Variants in BICC1 observed in about 807,000 individuals in gnomAD.
BICC1 encodes BicC family RNA binding protein 1.
A neutral mutation model predicts 111.0 loss-of-function variants in BICC1; 43 were observed. The ratio of observed to expected loss-of-function variants is 0.39; its 90% confidence interval spans 0.30 to 0.50. The LOEUF is 0.50. BICC1 is among the 20% of genes least tolerant of loss of function. The pLI is 0.88. For missense variants in BICC1, 1,091 were observed against 1,203.2 expected (o/e 0.91, Z 1.38); for synonymous variants, 467 against 434.4 (o/e 1.07, Z -0.93).
intron 1 of BICC1, among the ~76,000 whole-genome samples, chr10:58,567,907 A>C (rs535436314): frequency 9.9e-5 from 15 of 152,066 alleles, no homozygotes; most frequent in Non-Finnish European, 2.9e-5. Flanking sequence ...AGAGGCTTCA[A>C]TGTTGGAAAG....
At chr10:58,650,679 G>A (rs1290718962) in intron 2 of BICC1, 1 of 152,112 alleles carries the variant, frequency 6.6e-6, no homozygotes, top group Non-Finnish European at 1.5e-5. Flanking sequence ...CCTAGAGTAG[G>A]CTTTACTGAA....
At chr10:58,602,246 T>G (rs181604217) in intron 1 of BICC1, among the ~76,000 whole-genome samples, 4 of 152,282 alleles carry the variant, frequency 2.6e-5, no homozygotes, top group African/African-American at 7.2e-5. Flanking sequence ...AGAATTTGAC[T>G]CCTTAACCAA....
At chr10:58,673,445 G>A (rs1380741737) in intron 2 of BICC1, among the ~76,000 whole-genome samples, 1 of 152,108 alleles carries the variant, frequency 6.6e-6, no homozygotes, top group African/African-American at 2.4e-5. Flanking sequence ...CTTTAGCCCT[G>A]TGCCTCCCCA....
chr10:58,791,738 T>TA (rs974718987), intron 8 of BICC1, among the ~76,000 whole-genome samples: 29 of 148,996 alleles, frequency 1.9e-4, no homozygotes, highest in East Asian at 1.6e-3. Flanking sequence ...AGACTCCGTT[T>TA]AAAAAAAAAA....
At chr10:58,762,959 A>C (rs561498659) in intron 3 of BICC1, among the ~76,000 whole-genome samples, 20 of 152,256 alleles carry the variant, frequency 1.3e-4, no homozygotes, top group African/African-American at 4.1e-4. Context: ...ATGAAACAGA[A>C]AGTTTATAGG....
rs61874018 is a variant in BICC1, at chr10:58,583,752, A to G, written c.191-37103A>G. On this transcript the variant is annotated intron_variant, in intron 1 of 20. Coordinates refer to ENST00000373886, the MANE Select transcript of BICC1 (RefSeq NM_001080512.3). ...CATGTGTGTGAAAGGTCTTTTTCGT[A>G]TTATATAATGACTTCTTTTCCTCTG... 8.3e-3 allele frequency among the ~76,000 whole-genome samples: 1,262 copies of G among 152,180 alleles called. 9 individuals are homozygous for G. Among genetic ancestry groups the G allele is most frequent in the Non-Finnish European group, 0.013 (873 of 67,982 alleles).
intron 14 of BICC1, among the ~76,000 whole-genome samples, chr10:58,801,396 T>A (rs2132873801): frequency 6.6e-6 from 1 of 152,308 alleles, no homozygotes; most frequent in Admixed American, 6.5e-5. Context: ...GAATTCTCCT[T>A]CATTTGGCTT....
chr10:58,612,378 GA>G (rs1217070831), intron 1 of BICC1, among the ~76,000 whole-genome samples: 2 of 152,124 alleles, frequency 1.3e-5, no homozygotes, highest in Non-Finnish European at 2.9e-5. Context: ...GGTTGTCAGG[GA>G]AACAGTTAAC....
intron 3 of BICC1, among the ~76,000 whole-genome samples, chr10:58,772,089 T>C (rs1842635198): frequency 6.6e-6 from 1 of 152,186 alleles, no homozygotes; most frequent in South Asian, 2.1e-4. Context: ...TGGCCCACAG[T>C]AGGCATTCGG....
At chr10:58,611,933 G>T (rs1465455867) in intron 1 of BICC1, among the ~76,000 whole-genome samples, 1 of 152,170 alleles carries the variant, frequency 6.6e-6, no homozygotes, top group Non-Finnish European at 1.5e-5. Flanking sequence ...ACTGTTAAGA[G>T]AAAAATTATA....
intron 2 of BICC1, among the ~76,000 whole-genome samples, chr10:58,660,096 G>A (rs2132284994): frequency 6.6e-6 from 1 of 152,306 alleles, no homozygotes; most frequent in South Asian, 2.1e-4. Context: ...TCAGCTGCCT[G>A]TGGGTCTAGG....
In BICC1 at chr10:58,721,894, A is replaced by G. The variant is rs148419764; in HGVS notation, c.307+19751A>G. Among the ~76,000 whole-genome samples the G allele has an allele frequency of 4.9e-3, 741 of 152,298 alleles. 3 individuals are homozygous for G. The highest frequency in any genetic ancestry group is 8.4e-3 in the Non-Finnish European group (570 of 68,026). ...ATCACAAGGGAAAGGACCCAGCCAT[A>G]TGATTGTTTCTGTCAGCTTGTACTC... On this transcript the variant is annotated intron_variant, in intron 3 of 20. Coordinates refer to ENST00000373886, the MANE Select transcript of BICC1 (RefSeq NM_001080512.3).
chr10:58,644,684 A>G lies in BICC1; in HGVS notation c.237+23783A>G, dbSNP rs1203084305. ...ACTTTTTAAATGTTCTTAAGCTTCG[A>G]AAATTGAATTGAATTTAATTTGGCC... On this transcript the variant is annotated intron_variant, in intron 2 of 20. Coordinates refer to ENST00000373886, the MANE Select transcript of BICC1 (RefSeq NM_001080512.3). Among the ~76,000 whole-genome samples, 3 of 152,200 alleles carry G rather than the reference A, an allele frequency of 2.0e-5. No individual in the cohort carries two copies. In the East Asian group the frequency reaches 5.8e-4, roughly 29 times the overall value.
At chr10:58,785,162 G>A in intron 4 of BICC1, 82 bp downstream of exon 4, 1 of 746,958 alleles carries the variant, frequency 1.3e-6, no homozygotes, top group Non-Finnish European at 2.1e-6. Flanking sequence ...AGAACCATTT[G>A]GAGAAGAAAA....
intron 1 of BICC1, among the ~76,000 whole-genome samples, chr10:58,599,929 G>GGGGT (rs113345130): frequency 2.0e-5 from 3 of 149,784 alleles, no homozygotes; most frequent in Admixed American, 1.3e-4. Flanking sequence ...AACTAAAGAG[G>GGGGT]GTGTGTGTGT....
At chr10:58,740,650 C>A (rs1295037036) in intron 3 of BICC1, among the ~76,000 whole-genome samples, 3 of 152,218 alleles carry the variant, frequency 2.0e-5, no homozygotes, top group Non-Finnish European at 4.4e-5. Flanking sequence ...CTGTTTAAAT[C>A]TTTTAACTCT....
chr10:58,800,843 G>GGTGAT, intron 13 of BICC1, 47 bp from the exon 14 acceptor site: 1 of 1,522,100 alleles, frequency 6.6e-7, no homozygotes, highest in South Asian at 1.3e-5. Flanking sequence ...TCAACTGGAA[G>GGTGAT]GTGATGTTGT....
At chr10:58,819,502 A>G (rs533651396) in intron 19 of BICC1, among the ~76,000 whole-genome samples, 1 of 152,304 alleles carries the variant, frequency 6.6e-6, no homozygotes, top group South Asian at 2.1e-4. Context: ...AAGTAACTTC[A>G]TGAGATTTAA....
intron 2 of BICC1, among the ~76,000 whole-genome samples, chr10:58,662,173 G>A (rs1381207680): frequency 6.6e-6 from 1 of 152,092 alleles, no homozygotes; most frequent in Non-Finnish European, 1.5e-5. Context: ...AGAATTAGTA[G>A]TCCCTCCAGG....
Sources: allele counts gnomAD v4.1 joint callset (sites outside exome capture counted in the v4.1 genomes callset), GRCh38; gene constraint gnomAD v4.1.1; transcripts MANE v1.5; gene names NCBI Gene and HGNC (gene_info 2026-07-23, HGNC 2026-07-21).